Variants in SLC4A4 observed in about 807,000 individuals in gnomAD.
SLC4A4 encodes solute carrier family 4 member 4.
Under a neutral mutation model 111.5 loss-of-function variants are expected in SLC4A4, and 27 were observed. That is an observed-to-expected ratio of 0.24 (90% CI 0.18 to 0.33). The LOEUF (loss-of-function observed/expected upper bound fraction) is 0.33, where lower values mean the gene tolerates loss of function less well. Ranked by LOEUF, SLC4A4 falls within the 10% of genes least tolerant of loss-of-function variation. The pLI, the probability that SLC4A4 is intolerant of heterozygous loss-of-function variation, is 1.00. For missense variants in SLC4A4, 909 were observed against 1,315.5 expected, an observed-to-expected ratio of 0.69 and a Z score of 4.78; for synonymous variants, 443 against 463.4, an observed-to-expected ratio of 0.96 and a Z score of 0.57.
intron 6 of SLC4A4, among the ~76,000 whole-genome samples, chr4:71,378,529 A>C (rs1717759733): frequency 6.6e-6 from 1 of 152,226 alleles, no homozygotes; most frequent in African/African-American, 2.4e-5. Flanking sequence ...TTTCATGCAA[A>C]TATACAGTAA....
intron 2 of SLC4A4, among the ~76,000 whole-genome samples, chr4:71,152,376 G>A (rs1056975940): frequency 1.3e-5 from 2 of 151,962 alleles, no homozygotes; most frequent in African/African-American, 4.8e-5. Context: ...TCTATGACTT[G>A]CTTTTTTGGC....
intron 1 of SLC4A4, among the ~76,000 whole-genome samples, chr4:71,216,522 CTGATA>C (rs2149017214): frequency 6.6e-6 from 1 of 152,286 alleles, no homozygotes; most frequent in South Asian, 2.1e-4. Flanking sequence ...AATTTGACCT[CTGATA>C]TATCAAGAGG....
chr4:71,499,258 C>G (rs1730689730), intron 16 of SLC4A4, among the ~76,000 whole-genome samples: 1 of 151,952 alleles, frequency 6.6e-6, no homozygotes, highest in Non-Finnish European at 1.5e-5. Flanking sequence ...TCATAATTTG[C>G]AAAATAAACT....
intron 6 of SLC4A4, among the ~76,000 whole-genome samples, chr4:71,376,101 A>G (rs187604924): frequency 7.0e-4 from 105 of 149,054 alleles, no homozygotes; most frequent in African/African-American, 1.2e-3. Context: ...ATACGTGTGT[A>G]TATATATATA....
chr4:71,502,813 G>C (rs1731064604), intron 16 of SLC4A4, among the ~76,000 whole-genome samples: 1 of 152,160 alleles, frequency 6.6e-6, no homozygotes, highest in Non-Finnish European at 1.5e-5. Context: ...GTAGCAGTTG[G>C]ATGGAATATT....
chr4:71,566,485 G>T (rs1162844045), intron 24 of SLC4A4, among the ~76,000 whole-genome samples: 1 of 151,572 alleles, frequency 6.6e-6, no homozygotes, highest in East Asian at 2.0e-4. Context: ...AGGATAAATT[G>T]CAAGTTGATA....
intron 2 of SLC4A4, among the ~76,000 whole-genome samples, chr4:71,242,854 A>G (rs1375779204): frequency 1.3e-5 from 2 of 152,118 alleles, no homozygotes; most frequent in East Asian, 3.8e-4. Flanking sequence ...CCCTACATCT[A>G]GCCTTTGCCT....
At chr4:71,478,365 C>T (rs568970075) in intron 14 of SLC4A4, among the ~76,000 whole-genome samples, 5 of 152,008 alleles carry the variant, frequency 3.3e-5, no homozygotes, top group Admixed American at 1.3e-4. Context: ...ACCCAAATGC[C>T]CATCAATGAT....
In SLC4A4 at chr4:71,315,406, T is replaced by C. The variant is rs548855825; in HGVS notation, c.254-23964T>C. On this transcript the variant is annotated intron_variant, in intron 3 of 25. Coordinates refer to ENST00000264485, the MANE Select transcript of SLC4A4 (RefSeq NM_001098484.3). ...AAAAGACATTGAATAGTGATTACAGTTTTTAATCATAGTTTTATTATGATA... is the reference window on the plus strand; with the variant it reads ...AAAAGACATTGAATAGTGATTACAGCTTTTAATCATAGTTTTATTATGATA... Among the ~76,000 whole-genome samples, 5 of 152,264 alleles carry C rather than the reference T, an allele frequency of 3.3e-5. No homozygotes were observed. In the South Asian group the frequency reaches 1.0e-3, roughly 32 times the overall value.
At chr4:71,168,559 C>A (rs531744851) in intron 2 of SLC4A4, among the ~76,000 whole-genome samples, 6 of 152,014 alleles carry the variant, frequency 3.9e-5, no homozygotes, top group Non-Finnish European at 8.8e-5. Context: ...CTTTTAAATT[C>A]TTTCTATTTT....
At chr4:71,532,810 G>A (rs1397314571) in intron 17 of SLC4A4, among the ~76,000 whole-genome samples, 1 of 152,124 alleles carries the variant, frequency 6.6e-6, no homozygotes, top group African/African-American at 2.4e-5. Context: ...GTCAAGATGT[G>A]AAGTTAGAAC....
At chr4:71,202,427 A>G (rs2602088) in intron 1 of SLC4A4, among the ~76,000 whole-genome samples, 15,770 of 152,176 alleles carry the variant, frequency 0.1, 1,175 homozygotes, top group Admixed American at 0.24. Context: ...AAATATGGCA[A>G]CTATGTTGTA....
intron 6 of SLC4A4, among the ~76,000 whole-genome samples, chr4:71,369,079 C>T (rs1731605554): frequency 1.3e-5 from 2 of 152,140 alleles, no homozygotes; most frequent in Non-Finnish European, 2.9e-5. Flanking sequence ...CCCTGCCTAG[C>T]AACCCGCACC....
intron 2 of SLC4A4, among the ~76,000 whole-genome samples, chr4:71,244,281 C>T (rs1346756019): frequency 2.0e-5 from 3 of 152,124 alleles, no homozygotes; most frequent in Non-Finnish European, 4.4e-5. Context: ...TTTTCTGTTC[C>T]TGGTCTGCCA....
At chr4:71,316,360 G>A (rs1048750978) in intron 3 of SLC4A4, among the ~76,000 whole-genome samples, 15 of 152,082 alleles carry the variant, frequency 9.9e-5, no homozygotes, top group African/African-American at 3.6e-4. Flanking sequence ...GCAAGCATTT[G>A]TAATGTGGAT....
chr4:71,401,583 G>A (rs1720366932), intron 7 of SLC4A4, among the ~76,000 whole-genome samples: 1 of 151,812 alleles, frequency 6.6e-6, no homozygotes, highest in Admixed American at 6.6e-5. Flanking sequence ...TTCTTTTTCT[G>A]TTCTTTTAAA....
At chr4:71,506,906 A>G (rs1731470278) in intron 16 of SLC4A4, among the ~76,000 whole-genome samples, 1 of 152,180 alleles carries the variant, frequency 6.6e-6, no homozygotes, top group Non-Finnish European at 1.5e-5. Context: ...CTCAGTGGAA[A>G]TCCTATGAGC....
chr4:71,515,327 T>A (rs1732285234), intron 16 of SLC4A4, among the ~76,000 whole-genome samples: 1 of 152,174 alleles, frequency 6.6e-6, no homozygotes, highest in African/African-American at 2.4e-5. Flanking sequence ...TCCATTGTGG[T>A]CTGAGAATAT....
chr4:71,289,475 T>A (rs1006934511), intron 3 of SLC4A4, among the ~76,000 whole-genome samples: 2 of 152,210 alleles, frequency 1.3e-5, no homozygotes, highest in Non-Finnish European at 2.9e-5. Flanking sequence ...AATGTTATTA[T>A]GCAAGAGAAA....
Sources: allele counts gnomAD v4.1 joint callset (sites outside exome capture counted in the v4.1 genomes callset), GRCh38; gene constraint gnomAD v4.1.1; transcripts MANE v1.5; gene names NCBI Gene and HGNC (gene_info 2026-07-23, HGNC 2026-07-21).